BMP7: variants seen among roughly 807,000 people sequenced by gnomAD.
The protein encoded by BMP7 is bone morphogenetic protein 7, also known as osteogenic protein 1.
A neutral mutation model predicts 41.2 loss-of-function variants in BMP7; 12 were observed. The observed-to-expected ratio is 0.29, with a 90% confidence interval of 0.19 to 0.47. BMP7 has a LOEUF of 0.47. Among genes scored for constraint, BMP7 ranks in the 20% least tolerant of loss-of-function variants. The pLI, the probability that BMP7 is intolerant of heterozygous loss-of-function variation, is 0.99. For synonymous variants in BMP7, 248 were observed against 250.0 expected, an observed-to-expected ratio of 0.99 and a Z score of 0.07; for missense variants, 467 against 606.0, an observed-to-expected ratio of 0.77 and a Z score of 2.41.
chr20:57,201,825 C>G lies in BMP7; in HGVS notation c.760+650G>C, dbSNP rs867513936. On this transcript the variant is annotated intron_variant, in intron 3 of 6. Coordinates refer to ENST00000395863, the MANE Select transcript of BMP7 (RefSeq NM_001719.3). ...TCCCACTTCTCCACTCACCATCCTT[C>G]CTTCTTCCCTTCTCAAAGGAGGCAG... 2.8e-4 allele frequency among the ~76,000 whole-genome samples: 42 copies of G among 152,302 alleles called. 1 individual carries two copies. In the Middle Eastern group the frequency reaches 0.01, roughly 37 times the overall value.
chr20:57,257,731 G>T (rs1407797018), intron 1 of BMP7, among the ~76,000 whole-genome samples: 1 of 145,730 alleles, frequency 6.9e-6, no homozygotes. Flanking sequence ...TATGCCATGA[G>T]AATTCTGCAA....
At position 57,266,090 on chromosome 20, in the gene BMP7, C is replaced by A; in HGVS notation, c.33G>T (p.Pro11=). 6.5e-7 allele frequency: 1 copy of A among 1,536,966 alleles called. No individual in the cohort carries two copies. Among genetic ancestry groups the A allele is most frequent in the Non-Finnish European group, 8.7e-7 (1 of 1,146,462 alleles). ...GTGCCCAGAGCGCCACGAAGCTGTG[C>A]GGCGCCGCAGCTCGCAGTGAGCGCA... The part of the protein sequence containing the change: MHVRSLRAAA[P]HSFVALWAPL... The change falls in exon 1 of 7, where the codon CCG becomes CCT. Residue 11 remains proline (P), a synonymous_variant. Transcript: ENST00000395863.
chr20:57,203,153 C>T (rs1473946849), intron 2 of BMP7, among the ~76,000 whole-genome samples: 1 of 152,140 alleles, frequency 6.6e-6, no homozygotes, highest in Non-Finnish European at 1.5e-5. Context: ...GCTGGGGTTT[C>T]AGCCCATTTA....
chr20:57,242,805 C>A (rs1209381207), intron 1 of BMP7, among the ~76,000 whole-genome samples: 1 of 151,700 alleles, frequency 6.6e-6, no homozygotes, highest in African/African-American at 2.4e-5. Flanking sequence ...GAGTTTGAGA[C>A]CAGCCTGGCC....
intron 2 of BMP7, among the ~76,000 whole-genome samples, chr20:57,216,530 G>GGGGGCTGTCTCCTGAGGGTGA (rs1985027144): frequency 1.4e-5 from 2 of 148,074 alleles, no homozygotes; most frequent in Non-Finnish European, 3.0e-5. Context: ...CTGAGGGCGA[G>GGGGGCTGTCTCCTGAGGGTGA]GGGGCTGTCT....
intron 1 of BMP7, among the ~76,000 whole-genome samples, chr20:57,260,590 A>G (rs2066150113): frequency 6.6e-6 from 1 of 152,262 alleles, no homozygotes; most frequent in African/African-American, 2.4e-5. Context: ...CATTTGATTT[A>G]AACTAATTAA....
chr20:57,207,993 C>T (rs4422220), intron 2 of BMP7, among the ~76,000 whole-genome samples: 1 of 151,666 alleles, frequency 6.6e-6, no homozygotes, highest in Non-Finnish European at 1.5e-5. Flanking sequence ...CCGCGCCCGG[C>T]TAATTTTTTG....
chr20:57,190,930 G>A (rs973926835), intron 3 of BMP7, among the ~76,000 whole-genome samples: 16 of 152,192 alleles, frequency 1.1e-4, no homozygotes, highest in Non-Finnish European at 2.1e-4. Flanking sequence ...ATGGTGGGAT[G>A]TTTAGCAGTA....
At chr20:57,193,926 G>A (rs901708435) in intron 3 of BMP7, among the ~76,000 whole-genome samples, 2 of 152,224 alleles carry the variant, frequency 1.3e-5, no homozygotes, top group African/African-American at 4.8e-5. Context: ...ATTGGAGAAG[G>A]CCCAATCGTT....
chr20:57,171,785 G>T lies in BMP7; in HGVS notation c.1147-677C>A, dbSNP rs949851119. ...CAAGAGCATCAGTGACTGGCACTCT[G>T]TTCACAGCCTCCAGGCTGTGACTGC... On this transcript the variant is annotated intron_variant, in intron 6 of 6. Coordinates refer to ENST00000395863, the MANE Select transcript of BMP7 (RefSeq NM_001719.3). The surrounding 1 kb of genome is among the most constrained non-coding windows in gnomAD (Gnocchi z 4.5). Among the ~76,000 whole-genome samples the T allele has an allele frequency of 2.6e-5, 4 of 152,188 alleles. No individual in the cohort carries two copies. Among genetic ancestry groups the T allele is most frequent in the African/African-American group, 9.7e-5 (4 of 41,436 alleles).
rs554183540 is a variant in BMP7, at chr20:57,236,786, G to A, written c.419-8365C>T. Reference sequence around the variant, plus strand: ...CATAAAAAAAAAAAAAACACCTGACGAGCAAGACTGTGGCCAGTTGCACAT... The same window carrying A: ...CATAAAAAAAAAAAAAACACCTGACAAGCAAGACTGTGGCCAGTTGCACAT... On this transcript the variant is annotated intron_variant, in intron 1 of 6. Coordinates refer to ENST00000395863, the MANE Select transcript of BMP7 (RefSeq NM_001719.3). 3.5e-3 allele frequency among the ~76,000 whole-genome samples: 534 copies of A among 150,952 alleles called. 2 individuals are homozygous for A. Among genetic ancestry groups the A allele is most frequent in the Middle Eastern group, 0.01 (3 of 288 alleles).
rs1392831882 is a variant in BMP7, at chr20:57,261,175, G to C, written c.418+4530C>G. On this transcript the variant is annotated intron_variant, in intron 1 of 6. Coordinates refer to ENST00000395863, the MANE Select transcript of BMP7 (RefSeq NM_001719.3). This position sits in a 1 kb window ranked among gnomAD's most constrained non-coding sequence, Gnocchi z 4.1. ...CCGGTGGTGAGGGGATCGCGCACCA[G>C]CTGTGTTTATCTCGGCAAAGGCTTG... Among the ~76,000 whole-genome samples, 1 of 152,210 alleles carries C rather than the reference G, an allele frequency of 6.6e-6. No homozygotes were observed. Among genetic ancestry groups the C allele is most frequent in the Non-Finnish European group, 1.5e-5 (1 of 68,040 alleles).
rs1019726964 is a variant in BMP7, at chr20:57,237,205, C to T, written c.419-8784G>A. 3.9e-5 allele frequency among the ~76,000 whole-genome samples: 6 copies of T among 152,198 alleles called. No individual in the cohort carries two copies. The East Asian group carries it at 1.2e-3, about 29-fold the overall frequency. ...GGGCCGGGGACAGACCCCCACACCC[C>T]ACTTTAATGAGGATGAAGCTCAAGG... On this transcript the variant is annotated intron_variant, in intron 1 of 6. Coordinates refer to ENST00000395863, the MANE Select transcript of BMP7 (RefSeq NM_001719.3).
rs1436557354 is a variant in BMP7 at position 57,266,317 on chromosome 20, C to T, written c.-195G>A. The T allele has an allele frequency of 1.4e-5, 5 of 362,846 alleles. No individual in the cohort carries two copies. The highest frequency in any genetic ancestry group is 5.5e-5 in the East Asian group (1 of 18,312). The allele number at this position is 362,846 out of a possible 1,614,324, so 22.5% of individuals were successfully genotyped here. On this transcript the variant is annotated 5_prime_UTR_variant, in exon 1 of 7. Transcript: ENST00000395863. ...CCCGCCCCCTGCTCGGTGCTGGCCCCGGGCCCCTCGCCCCGCACTCGCCCG... is the reference window on the plus strand; with the variant it reads ...CCCGCCCCCTGCTCGGTGCTGGCCCTGGGCCCCTCGCCCCGCACTCGCCCG...
At chr20:57,241,920 A>C (rs958661788) in intron 1 of BMP7, among the ~76,000 whole-genome samples, 9 of 152,208 alleles carry the variant, frequency 5.9e-5, no homozygotes, top group Admixed American at 2.6e-4. Flanking sequence ...TCTAGAGCTG[A>C]GGCCAGTTCT....
At chr20:57,226,983 T>C (rs551946629) in intron 2 of BMP7, among the ~76,000 whole-genome samples, 1 of 152,034 alleles carries the variant, frequency 6.6e-6, no homozygotes, top group Non-Finnish European at 1.5e-5. Context: ...CCCGCCACCA[T>C]GCCTGGCTAA....
At position 57,265,963 on chromosome 20, in the gene BMP7, T is replaced by A. The variant is rs888626278; in HGVS notation, c.160A>T (p.Met54Leu). 3 of 1,550,234 alleles carry A rather than the reference T, an allele frequency of 1.9e-6. No individual in the cohort carries two copies. In the African/African-American group the frequency reaches 4.1e-5, roughly 21 times the overall value. ...RRLRSQERRE[M>L]QREILSILGL... Reference sequence around the variant, plus strand: ...AAAATGGAGAGGATCTCGCGCTGCATCTCCCGCCGCTCCTGGCTGCGGAGG... The same window carrying A: ...AAAATGGAGAGGATCTCGCGCTGCAACTCCCGCCGCTCCTGGCTGCGGAGG... Residue 54 changes from methionine (M) to leucine (L), a missense_variant, in exon 1 of 7, where the codon ATG becomes TTG. Transcript: ENST00000395863.
At chr20:57,219,149 G>C (rs1323531167) in intron 2 of BMP7, among the ~76,000 whole-genome samples, 1 of 104,434 alleles carries the variant, frequency 9.6e-6, no homozygotes, top group East Asian at 2.1e-4. Flanking sequence ...GTGGTAGCTG[G>C]TGTTCAGTGG....
At chr20:57,220,375 T>G (rs1985161203) in intron 2 of BMP7, among the ~76,000 whole-genome samples, 1 of 152,242 alleles carries the variant, frequency 6.6e-6, no homozygotes, top group African/African-American at 2.4e-5. Flanking sequence ...CAGCTACAGA[T>G]GACTGCTTGT....
Sources: allele counts gnomAD v4.1 joint callset (sites outside exome capture counted in the v4.1 genomes callset), GRCh38; gene constraint gnomAD v4.1.1; non-coding constraint Gnocchi (gnomAD v3.1); transcripts MANE v1.5; gene names NCBI Gene and HGNC (gene_info 2026-07-23, HGNC 2026-07-21).